The following TUNAR variants were observed in gnomAD, a reference collection of about 807,000 sequenced individuals.
TUNAR encodes the protein protein TUNAR.
intron 2 of TUNAR, among the ~76,000 whole-genome samples, chr14:95,919,809 G>C (rs1889661952): frequency 6.6e-6 from 1 of 152,168 alleles, no homozygotes; most frequent in Admixed American, 6.5e-5. Context: ...ATGTGACAAA[G>C]CAAGTATGGG....
In TUNAR at chr14:95,922,762, T is replaced by C; in HGVS notation, c.13-19T>C. The stretch of plus-strand genomic sequence containing the variant: ...GCTTATAAATGATCATCTTTTGTGC[T>C]GCCTCTTTCCAATTACAGGTTAGCC... On this transcript the variant is annotated intron_variant, in intron 2 of 2. Transcript: ENST00000678517. 2.5e-6 allele frequency: 1 copy of C among 398,922 alleles called. No homozygotes were observed. Among genetic ancestry groups the C allele is most frequent in the Non-Finnish European group, 4.4e-6 (1 of 225,984 alleles). The allele number at this position is 398,922 out of a possible 1,614,324, so 24.7% of individuals were successfully genotyped here. A position where few individuals can be genotyped will look rare whatever the true frequency, so the allele number is the denominator to read the frequency against.
intron 2 of TUNAR, among the ~76,000 whole-genome samples, chr14:95,888,287 A>C (rs1889110356): frequency 6.6e-6 from 1 of 152,174 alleles, no homozygotes; most frequent in African/African-American, 2.4e-5. Context: ...GGACTCTTTC[A>C]CTGAATGTGT....
At chr14:95,890,147 G>A (rs956794021) in intron 2 of TUNAR, among the ~76,000 whole-genome samples, 3 of 152,108 alleles carry the variant, frequency 2.0e-5, no homozygotes, top group African/African-American at 4.8e-5. Flanking sequence ...AGCAATGGGA[G>A]ATTTTTTTTT....
At position 95,912,766 on chromosome 14, in the gene TUNAR, A is replaced by G. The variant is rs951318477; in HGVS notation, c.13-10015A>G. 5.9e-5 allele frequency among the ~76,000 whole-genome samples: 9 copies of G among 152,156 alleles called. No individual in the cohort carries two copies. The East Asian group carries it at 1.2e-3, about 20-fold the overall frequency. On this transcript the variant is annotated intron_variant, in intron 2 of 2. Transcript: ENST00000678517. ...AATATCCTGTGCTTTTCCCCTTATC[A>G]CATCGTGGGCATCTTCCTTTTTTTC...
At chr14:95,904,585 G>A (rs571367660) in intron 2 of TUNAR, among the ~76,000 whole-genome samples, 121 of 152,318 alleles carry the variant, frequency 7.9e-4, no homozygotes, top group African/African-American at 2.6e-3. Context: ...GCCAGAGGCC[G>A]AGTCCTAAGA....
chr14:95,903,886 C>T (rs1488308878), intron 2 of TUNAR, among the ~76,000 whole-genome samples: 1 of 152,202 alleles, frequency 6.6e-6, no homozygotes, highest in Non-Finnish European at 1.5e-5. Flanking sequence ...CTGGGGCTTC[C>T]TCACAGCAGG....
chr14:95,891,783 G>A (rs1214792596), intron 2 of TUNAR, among the ~76,000 whole-genome samples: 2 of 152,266 alleles, frequency 1.3e-5, no homozygotes, highest in Non-Finnish European at 2.9e-5. Context: ...TAGTTCTGGA[G>A]ATGGGAAGCC....
At chr14:95,918,771 C>A (rs1003376633) in intron 2 of TUNAR, among the ~76,000 whole-genome samples, 1 of 152,170 alleles carries the variant, frequency 6.6e-6, no homozygotes, top group African/African-American at 2.4e-5. Flanking sequence ...CCATGACAGG[C>A]GCTTTGTTTT....
intron 2 of TUNAR, among the ~76,000 whole-genome samples, chr14:95,910,144 C>G (rs1889490655): frequency 6.6e-6 from 1 of 152,208 alleles, no homozygotes; most frequent in Non-Finnish European, 1.5e-5. Context: ...CAGAGCTTCA[C>G]TAATTATTTA....
intron 2 of TUNAR, among the ~76,000 whole-genome samples, chr14:95,879,116 T>A (rs1420942167): frequency 2.0e-5 from 3 of 152,110 alleles, no homozygotes. Flanking sequence ...AGACCCTGAG[T>A]TAGTTTTTGG....
At chr14:95,924,691 C>T (rs1889756990) in exon 3 of TUNAR, 1 of 152,206 alleles carries the variant, frequency 6.6e-6, no homozygotes, top group Non-Finnish European at 1.5e-5. Flanking sequence ...GAGACTTTTT[C>T]ACTATCATGC....
intron 2 of TUNAR, among the ~76,000 whole-genome samples, chr14:95,920,736 C>T (rs1203738741): frequency 1.3e-5 from 2 of 152,154 alleles, no homozygotes. Flanking sequence ...GGCATGCAGA[C>T]GTTTCATTTC....
intron 2 of TUNAR, among the ~76,000 whole-genome samples, chr14:95,899,154 T>C (rs1889309372): frequency 6.6e-6 from 1 of 152,202 alleles, no homozygotes. Context: ...AAGCTGACTT[T>C]CCCATTTCCC....
chr14:95,921,865 C>T lies in TUNAR; in HGVS notation c.13-916C>T, dbSNP rs114208043. Among the ~76,000 whole-genome samples, 1,234 of 152,324 alleles carry T rather than the reference C, an allele frequency of 8.1e-3. 26 individuals carry two copies. The highest frequency in any genetic ancestry group is 0.028 in the African/African-American group (1,150 of 41,564). ...AATTTGTCTGCCATGTGCTCTTTCCCTCCGCTAAGTGTCTGGGCTTTGTTC... is the reference window on the plus strand; with the variant it reads ...AATTTGTCTGCCATGTGCTCTTTCCTTCCGCTAAGTGTCTGGGCTTTGTTC... On this transcript the variant is annotated intron_variant, in intron 2 of 2. Transcript: ENST00000678517.
In TUNAR at chr14:95,920,189, C is replaced by G. The variant is rs7143194; in HGVS notation, c.13-2592C>G. Among the ~76,000 whole-genome samples, 56 of 152,190 alleles carry G rather than the reference C, an allele frequency of 3.7e-4. No individual in the cohort carries two copies. In the East Asian group the frequency reaches 9.9e-3, roughly 27 times the overall value. On this transcript the variant is annotated intron_variant, in intron 2 of 2. Transcript: ENST00000678517. ...AGGACATACTGTATGATTCCATTTA[C>G]GCAGAATTCAAAACCAGGCAAAGCT...
intron 2 of TUNAR, among the ~76,000 whole-genome samples, chr14:95,921,502 A>G (rs188688582): frequency 7.1e-4 from 108 of 152,350 alleles, no homozygotes; most frequent in Non-Finnish European, 1.1e-3. Flanking sequence ...CTGGATGGCC[A>G]TGTTTTCTGT....
chr14:95,882,545 A>C (rs551592105), intron 2 of TUNAR, among the ~76,000 whole-genome samples: 2 of 152,272 alleles, frequency 1.3e-5, no homozygotes, highest in South Asian at 4.1e-4. Flanking sequence ...TCGCCTTCCT[A>C]AGTCCTTCGT....
chr14:95,910,487 T>C (rs1889496309), intron 2 of TUNAR, among the ~76,000 whole-genome samples: 1 of 152,268 alleles, frequency 6.6e-6, no homozygotes, highest in Non-Finnish European at 1.5e-5. Flanking sequence ...TAGTAGCTAC[T>C]GGCCCCATCA....
At chr14:95,915,268 T>G (rs561132837) in intron 2 of TUNAR, among the ~76,000 whole-genome samples, 85 of 152,316 alleles carry the variant, frequency 5.6e-4, no homozygotes, top group Middle Eastern at 3.4e-3. Context: ...ACACTGTTTT[T>G]TGCAGGGATA....
Sources: allele counts gnomAD v4.1 joint callset (sites outside exome capture counted in the v4.1 genomes callset), GRCh38; gene constraint gnomAD v4.1.1; transcripts MANE v1.5; gene names NCBI Gene and HGNC (gene_info 2026-07-23, HGNC 2026-07-21).